The following NPAS2 variants were observed in gnomAD, a reference collection of about 807,000 sequenced individuals.
NPAS2 encodes neuronal PAS domain-containing protein 2.
Under a neutral mutation model 107.5 loss-of-function variants are expected in NPAS2, and 23 were observed. That is an observed-to-expected ratio of 0.21 (90% confidence interval 0.15 to 0.30). The LOEUF (loss-of-function observed/expected upper bound fraction) is 0.30, where lower values mean the gene tolerates loss of function less well. NPAS2 is among the 10% of genes least tolerant of loss of function. The pLI, the probability that NPAS2 is intolerant of heterozygous loss-of-function variation, is 1.00. For missense variants in NPAS2, 756 were observed against 1,043.3 expected, an observed-to-expected ratio of 0.72 and a Z score of 3.79; for synonymous variants, 403 against 417.5, an observed-to-expected ratio of 0.97 and a Z score of 0.42.
At chr2:100,906,154 C>G (rs987808408) in intron 2 of NPAS2, among the ~76,000 whole-genome samples, 1 of 152,194 alleles carries the variant, frequency 6.6e-6, no homozygotes, top group African/African-American at 2.4e-5. Flanking sequence ...ATAGAACTCC[C>G]CAGCTTATCC....
At chr2:100,876,659 T>G (rs1181364511) in intron 1 of NPAS2, among the ~76,000 whole-genome samples, 2 of 151,598 alleles carry the variant, frequency 1.3e-5, no homozygotes, top group African/African-American at 4.9e-5. Context: ...GCAAGGGGAG[T>G]CTTTCAGATC....
chr2:100,975,790 A>G (rs1043925010), intron 14 of NPAS2: 6 of 428,624 alleles, frequency 1.4e-5, no homozygotes, highest in Middle Eastern at 6.0e-4. Flanking sequence ...AGAATACAAA[A>G]TCCAAGTGAA....
intron 7 of NPAS2, among the ~76,000 whole-genome samples, chr2:100,953,727 G>A (rs1262572320): frequency 2.0e-5 from 3 of 152,110 alleles, no homozygotes; most frequent in East Asian, 1.9e-4. Flanking sequence ...CCTCTAACCC[G>A]GAGCCCACAC....
At chr2:100,918,824 G>A (rs940589924) in intron 2 of NPAS2, among the ~76,000 whole-genome samples, 3 of 152,164 alleles carry the variant, frequency 2.0e-5, no homozygotes, top group East Asian at 1.9e-4. Context: ...TGGCCACTCT[G>A]GAAAACGGTT....
rs1345650327 is a variant in NPAS2, at chr2:100,975,578, G to A, written c.1392+11G>A. On this transcript the variant is annotated intron_variant, in intron 14 of 20. Coordinates refer to ENST00000335681, the MANE Select transcript of NPAS2 (RefSeq NM_002518.4). Reference sequence around the variant, plus strand: ...GCAGCCACCATGCCGGTAAGTGTGTGACCCCAAACTCCTCCACGGGTGTAC... The same window carrying A: ...GCAGCCACCATGCCGGTAAGTGTGTAACCCCAAACTCCTCCACGGGTGTAC... 1 of 1,595,256 alleles carries A rather than the reference G, an allele frequency of 6.3e-7. No individual in the cohort carries two copies. Among genetic ancestry groups the A allele is most frequent in the Non-Finnish European group, 8.6e-7 (1 of 1,166,642 alleles).
intron 1 of NPAS2, among the ~76,000 whole-genome samples, chr2:100,856,804 AAAAG>A (rs1335612656): frequency 2.0e-5 from 3 of 152,188 alleles, no homozygotes; most frequent in African/African-American, 7.2e-5. Flanking sequence ...ACCAAACATG[AAAAG>A]AGAGAGGTGT....
chr2:100,942,875 C>T (rs564368972), intron 5 of NPAS2, among the ~76,000 whole-genome samples: 3 of 152,184 alleles, frequency 2.0e-5, no homozygotes, highest in African/African-American at 4.8e-5. Context: ...TGCTCAACAT[C>T]GTTTGTGCTT....
intron 2 of NPAS2, among the ~76,000 whole-genome samples, chr2:100,907,208 A>G (rs953757601): frequency 6.6e-6 from 1 of 152,198 alleles, no homozygotes; most frequent in African/African-American, 2.4e-5. Context: ...CGCAGAAATC[A>G]GCAAATATAG....
At chr2:100,973,420 A>C (rs1676735578) in intron 12 of NPAS2, among the ~76,000 whole-genome samples, 1 of 152,174 alleles carries the variant, frequency 6.6e-6, no homozygotes, top group East Asian at 1.9e-4. Context: ...TTCTCTGCTG[A>C]CTAGGAACAC....
Position 100,904,728 on chromosome 2 carries a change from T to G in NPAS2, c.-22-5T>G, listed in dbSNP as rs1558858822. On this transcript the variant is annotated splice_polypyrimidine_tract_variant and splice_region_variant and intron_variant, in intron 1 of 20. Transcript: ENST00000335681. ...TCTTTTTAATTTTTTTTTTTTTTTT[T>G]GCAGGAAAAACTGCATAGAAAATCT... 9 of 1,435,012 alleles carry G rather than the reference T, an allele frequency of 6.3e-6. 1 individual carries two copies. In the South Asian group the frequency reaches 7.7e-5, roughly 12 times the overall value. The allele number at this position is 1,435,012 out of a possible 1,614,324, so 88.9% of individuals were successfully genotyped here.
intron 1 of NPAS2, among the ~76,000 whole-genome samples, chr2:100,829,194 T>C (rs1676578275): frequency 6.6e-6 from 1 of 151,678 alleles, no homozygotes. Flanking sequence ...TTGTTTTTTT[T>C]TTTTTTTTGA....
intron 2 of NPAS2, among the ~76,000 whole-genome samples, chr2:100,922,728 C>G (rs1683310820): frequency 6.6e-6 from 1 of 152,176 alleles, no homozygotes; most frequent in Non-Finnish European, 1.5e-5. Flanking sequence ...CATTTTCTTT[C>G]TCTTGCCTGA....
At chr2:100,830,255 C>G (rs1236300420) in intron 1 of NPAS2, among the ~76,000 whole-genome samples, 2 of 152,066 alleles carry the variant, frequency 1.3e-5, no homozygotes, top group African/African-American at 4.8e-5. Flanking sequence ...TTATGAATGC[C>G]TATATTTTTT....
At chr2:100,952,078 G>C (rs1421162484) in intron 7 of NPAS2, among the ~76,000 whole-genome samples, 5 of 151,206 alleles carry the variant, frequency 3.3e-5, no homozygotes, top group Admixed American at 3.3e-4. Flanking sequence ...CGTGAACCCG[G>C]GAGGCTGAGC....
chr2:100,938,877 C>G (rs1322051797), intron 5 of NPAS2, among the ~76,000 whole-genome samples: 1 of 152,254 alleles, frequency 6.6e-6, no homozygotes, highest in Non-Finnish European at 1.5e-5. Flanking sequence ...TGAGCCCAGC[C>G]AAAACCTTCC....
At chr2:100,850,079 T>C (rs1172598399) in intron 1 of NPAS2, among the ~76,000 whole-genome samples, 1 of 135,330 alleles carries the variant, frequency 7.4e-6, no homozygotes, top group Non-Finnish European at 1.6e-5. Context: ...ATTCAGTGTA[T>C]AGAATTTTCT....
chr2:100,888,693 C>T (rs931517541), intron 1 of NPAS2, among the ~76,000 whole-genome samples: 3 of 152,080 alleles, frequency 2.0e-5, no homozygotes, highest in African/African-American at 4.8e-5. Flanking sequence ...ACAAGAAAAC[C>T]ACTAGCCAGA....
intron 7 of NPAS2, among the ~76,000 whole-genome samples, chr2:100,952,108 T>C (rs1238092172): frequency 4.4e-5 from 6 of 136,260 alleles, no homozygotes; most frequent in East Asian, 2.2e-4. Flanking sequence ...GCCGAGATCG[T>C]GCCACTGCAC....
intron 12 of NPAS2, among the ~76,000 whole-genome samples, chr2:100,973,999 G>A (rs559169016): frequency 1.9e-4 from 29 of 151,866 alleles, no homozygotes; most frequent in Admixed American, 9.2e-4. Context: ...CTGCCACCAC[G>A]TCCAGCTAAT....
Sources: allele counts gnomAD v4.1 joint callset (sites outside exome capture counted in the v4.1 genomes callset), GRCh38; gene constraint gnomAD v4.1.1; transcripts MANE v1.5; gene names NCBI Gene and HGNC (gene_info 2026-07-23, HGNC 2026-07-21).